PEBP4: variants seen among roughly 807,000 people sequenced by gnomAD.
PEBP4 encodes phosphatidylethanolamine-binding protein 4.
In PEBP4, 22 loss-of-function variants were observed where a neutral mutation model predicts 23.9. That is an observed-to-expected ratio of 0.92 (90% CI 0.66 to 1.31). The LOEUF (loss-of-function observed/expected upper bound fraction) is 1.31. Ranked by LOEUF, PEBP4 falls within the 40% of genes most tolerant of loss-of-function variation. The pLI is 0.00. For synonymous variants in PEBP4, 112 were observed against 99.3 expected (o/e 1.13, Z -0.76); for missense variants, 324 against 281.7 (o/e 1.15, Z -1.07).
At chr8:22,931,214 T>C (rs1025031604), upstream of PEBP4, among the ~76,000 whole-genome samples, 4 of 152,222 alleles carry the variant, frequency 2.6e-5, no homozygotes, top group Admixed American at 6.5e-5. Context: ...ATTCTTTTCA[T>C]TGATTCCTAA....
Position 22,727,656 on chromosome 8 carries a change from C to T in PEBP4, c.358-436G>A, listed in dbSNP as rs112113525. 3.5e-3 allele frequency among the ~76,000 whole-genome samples: 538 copies of T among 152,298 alleles called. 4 individuals carry two copies. Among genetic ancestry groups the T allele is most frequent in the African/African-American group, 0.012 (508 of 41,564 alleles). On this transcript the variant is annotated intron_variant, in intron 4 of 6. Coordinates refer to ENST00000256404, the MANE Select transcript of PEBP4 (RefSeq NM_144962.3). ...CTCTGGATCTTACTAAGGAGCCCATCTTCTCTGGAGGGAGGACTCTGCTCC... is the reference window on the plus strand; with the variant it reads ...CTCTGGATCTTACTAAGGAGCCCATTTTCTCTGGAGGGAGGACTCTGCTCC...
intron 4 of PEBP4, among the ~76,000 whole-genome samples, chr8:22,795,782 T>C (rs1806242335): frequency 6.6e-6 from 1 of 152,242 alleles, no homozygotes. Context: ...ATTTAAATGC[T>C]TCACATTTAT....
chr8:22,873,554 G>A (rs902116865), intron 3 of PEBP4, among the ~76,000 whole-genome samples: 1 of 152,100 alleles, frequency 6.6e-6, no homozygotes, highest in South Asian at 2.1e-4. Context: ...ATCGCTTAAG[G>A]CCAGGTGTTC....
At chr8:22,853,818 C>T (rs1017521528) in intron 3 of PEBP4, among the ~76,000 whole-genome samples, 6 of 152,176 alleles carry the variant, frequency 3.9e-5, no homozygotes, top group African/African-American at 7.2e-5. Flanking sequence ...GGCAAAGAAA[C>T]GCTTCCTCCA....
At chr8:22,767,987 G>A (rs997032042) in intron 4 of PEBP4, among the ~76,000 whole-genome samples, 20 of 152,024 alleles carry the variant, frequency 1.3e-4, no homozygotes, top group Admixed American at 1.0e-3. Context: ...CGCCCACCCC[G>A]GCCTCCCAAA....
intron 4 of PEBP4, among the ~76,000 whole-genome samples, chr8:22,750,357 C>T (rs1449842901): frequency 6.6e-6 from 1 of 151,980 alleles, no homozygotes; most frequent in African/African-American, 2.4e-5. Flanking sequence ...GCTGTGGCCT[C>T]CCAAAGTGCT....
intron 3 of PEBP4, among the ~76,000 whole-genome samples, chr8:22,873,672 G>C (rs138261606): frequency 7.9e-5 from 12 of 152,174 alleles, no homozygotes; most frequent in Non-Finnish European, 1.2e-4. Flanking sequence ...CCTGTGAATA[G>C]AGCTGTAGAT....
chr8:22,909,572 G>GTGGC (rs1219979910), intron 3 of PEBP4, among the ~76,000 whole-genome samples: 2 of 152,138 alleles, frequency 1.3e-5, no homozygotes, highest in Non-Finnish European at 2.9e-5. Flanking sequence ...ATTGGCTTAG[G>GTGGC]TGGCTGGCTT....
chr8:22,818,103 T>C (rs893373287), intron 3 of PEBP4, among the ~76,000 whole-genome samples: 1 of 152,228 alleles, frequency 6.6e-6, no homozygotes, highest in Non-Finnish European at 1.5e-5. Context: ...TGGAGTGACT[T>C]GTTTATCAAT....
chr8:22,755,134 T>C (rs1805351167), intron 4 of PEBP4, among the ~76,000 whole-genome samples: 1 of 152,176 alleles, frequency 6.6e-6, no homozygotes. Context: ...TAACGGTGAC[T>C]CTTCTTGGAT....
intron 3 of PEBP4, among the ~76,000 whole-genome samples, chr8:22,917,429 T>G (rs1809100712): frequency 6.6e-6 from 1 of 152,000 alleles, no homozygotes; most frequent in African/African-American, 2.4e-5. Context: ...GCCCACCCCC[T>G]TCCATTCTAA....
rs139822690 is a variant in PEBP4 at position 22,823,689 on chromosome 8, A to C, written c.259-5954T>G. Among the ~76,000 whole-genome samples the C allele has an allele frequency of 4.4e-3, 672 of 152,194 alleles. 6 individuals carry two copies. The highest frequency in any genetic ancestry group is 6.8e-3 in the Non-Finnish European group (459 of 67,964). ...ATTTTGACTCTTTTATATGGCAAAA[A>C]AAGTCCAAAATAAAATTCAAAGACA... On this transcript the variant is annotated intron_variant, in intron 3 of 6. Coordinates refer to ENST00000256404, the MANE Select transcript of PEBP4 (RefSeq NM_144962.3).
At chr8:22,823,464 A>T (rs1204447630) in intron 3 of PEBP4, among the ~76,000 whole-genome samples, 1 of 151,942 alleles carries the variant, frequency 6.6e-6, no homozygotes, top group Non-Finnish European at 1.5e-5. Flanking sequence ...TTTCTAAAAT[A>T]TACTAGTATG....
At chr8:22,743,790 GC>G (rs1805051366) in intron 4 of PEBP4, among the ~76,000 whole-genome samples, 1 of 152,226 alleles carries the variant, frequency 6.6e-6, no homozygotes, top group Non-Finnish European at 1.5e-5. Flanking sequence ...CCTTTCCTCT[GC>G]CCAGGTACTG....
At chr8:22,713,683 C>A (rs976319586) in intron 6 of PEBP4, 147 bp from the exon 7 acceptor site, 2 of 1,141,788 alleles carry the variant, frequency 1.8e-6, no homozygotes, top group Non-Finnish European at 2.5e-6. Flanking sequence ...GGGGAGCTTC[C>A]GGCTCCTGTT....
chr8:22,726,510 C>T (rs1307371557), intron 5 of PEBP4, among the ~76,000 whole-genome samples: 1 of 152,252 alleles, frequency 6.6e-6, no homozygotes, highest in East Asian at 1.9e-4. Flanking sequence ...CAAGAATCCC[C>T]TCTTCAAAAC....
intron 4 of PEBP4, among the ~76,000 whole-genome samples, chr8:22,741,284 T>C (rs372560988): frequency 1.0e-3 from 152 of 152,286 alleles, no homozygotes; most frequent in African/African-American, 3.5e-3. Flanking sequence ...TGGGCCTTCG[T>C]GTCCCTGCCT....
chr8:22,757,230 G>A (rs549800342), intron 4 of PEBP4: 1 of 152,336 alleles, frequency 6.6e-6, no homozygotes, highest in East Asian at 1.9e-4. Context: ...AAGCCATTGG[G>A]TGGTTTGCCA....
intron 4 of PEBP4, among the ~76,000 whole-genome samples, chr8:22,766,052 T>G (rs1276544222): frequency 6.6e-6 from 1 of 152,250 alleles, no homozygotes; most frequent in Non-Finnish European, 1.5e-5. Flanking sequence ...CTCACACCAG[T>G]AGACACAGGC....
Sources: allele counts gnomAD v4.1 joint callset (sites outside exome capture counted in the v4.1 genomes callset), GRCh38; gene constraint gnomAD v4.1.1; transcripts MANE v1.5; gene names NCBI Gene and HGNC (gene_info 2026-07-23, HGNC 2026-07-21).